The following ZDHHC2 variants were observed in gnomAD, a reference collection of about 807,000 sequenced individuals.
ZDHHC2 encodes zDHHC palmitoyltransferase 2, also known as palmitoyltransferase ZDHHC2.
Under a neutral mutation model 55.6 loss-of-function variants are expected in ZDHHC2, and 51 were observed. The observed-to-expected ratio is 0.92, with a 90% confidence interval of 0.73 to 1.16. The LOEUF is 1.16. ZDHHC2 is among the 50% of genes most tolerant of loss of function. ZDHHC2 has a pLI of 0.00. For synonymous variants in ZDHHC2, 199 were observed against 152.9 expected (o/e 1.30, Z -2.22); for missense variants, 491 against 442.4 (o/e 1.11, Z -0.99).
At chr8:17,213,360 TC>T (rs1261923368) in intron 10 of ZDHHC2, among the ~76,000 whole-genome samples, 3 of 151,986 alleles carry the variant, frequency 2.0e-5, no homozygotes, top group African/African-American at 7.2e-5. Flanking sequence ...TTAAAGCAAT[TC>T]TATTGCCTCA....
At chr8:17,215,411 T>TA (rs945705646) in intron 11 of ZDHHC2, 62 bp downstream of exon 11, 73 of 1,364,446 alleles carry the variant, frequency 5.4e-5, no homozygotes, top group African/African-American at 4.2e-4. Context: ...TAAACGTGGT[T>TA]AAAAAAAATC....
In ZDHHC2 at chr8:17,209,958, C is replaced by A. The variant is rs764383721; in HGVS notation, c.757C>A (p.His253Asn). 5.6e-6 allele frequency: 9 copies of A among 1,610,976 alleles called. No homozygotes were observed. Among genetic ancestry groups the A allele is most frequent in the Non-Finnish European group, 7.6e-6 (9 of 1,178,534 alleles). Residue 253 changes from histidine to asparagine, a missense_variant, in exon 9 of 13, where the codon CAT (histidine) becomes AAT (asparagine). Physicochemically the swap from His to Asn is moderately conservative, Grantham distance 68. Transcript: ENST00000262096. ...GGCATTCAGAAGTCCAGTATTTCGA[C>A]ATGGAACAGATAAGAATGGATTCAG... ...LEAFRSPVFR[H>N]GTDKNGFSLG...
Position 17,205,767 on chromosome 8 carries a change from T to C in ZDHHC2, c.589T>C (p.Phe197Leu). 1.9e-6 allele frequency: 3 copies of C among 1,604,174 alleles called. No homozygotes were observed. The highest frequency in any genetic ancestry group is 2.5e-6 in the Non-Finnish European group (3 of 1,177,154). The change falls in exon 7 of 13, where the codon TTT (phenylalanine) becomes CTT (leucine). Residue 197 changes from phenylalanine (F) to leucine (L), a missense_variant. Physicochemically the swap from Phe to Leu is conservative, Grantham distance 22. Transcript: ENST00000262096. Reference protein sequence around the residue: ...AATDLQYFIKFWTNGLPDTQA... With the variant: ...AATDLQYFIKLWTNGLPDTQA... The stretch of plus-strand genomic sequence containing the variant: ...AACAGATTTACAGTATTTTATCAAA[T>C]TTTGGACAGTAAGTCATTAACTTGG...
At chr8:17,171,216 A>G (rs1175117508) in intron 1 of ZDHHC2, among the ~76,000 whole-genome samples, 1 of 152,184 alleles carries the variant, frequency 6.6e-6, no homozygotes, top group African/African-American at 2.4e-5. Context: ...AGAAAAGGAA[A>G]CACCCATACA....
At chr8:17,187,412 T>A in intron 3 of ZDHHC2, among the ~76,000 whole-genome samples, 1 of 145,852 alleles carries the variant, frequency 6.9e-6, no homozygotes, top group African/African-American at 2.5e-5. Flanking sequence ...AAGCCAAGTT[T>A]AAAAAAAAAA....
At chr8:17,180,265 A>G (rs1189663836) in intron 1 of ZDHHC2, among the ~76,000 whole-genome samples, 1 of 152,218 alleles carries the variant, frequency 6.6e-6, no homozygotes, top group Non-Finnish European at 1.5e-5. Flanking sequence ...TGGCACATCA[A>G]GATCGAAGTT....
intron 1 of ZDHHC2, among the ~76,000 whole-genome samples, chr8:17,183,003 C>CCA (rs1805516238): frequency 6.6e-6 from 1 of 152,208 alleles, no homozygotes; most frequent in East Asian, 1.9e-4. Flanking sequence ...CTCAGGTGAT[C>CCA]CACCCACCTT....
chr8:17,200,457 C>A (rs1230617025), intron 6 of ZDHHC2, among the ~76,000 whole-genome samples: 2 of 152,128 alleles, frequency 1.3e-5, no homozygotes, highest in African/African-American at 4.8e-5. Flanking sequence ...CTGTATACTC[C>A]AGATATATTC....
rs1357077700 is a variant in ZDHHC2, at chr8:17,224,338, T to C, written c.*4117T>C. 1 of 151,778 alleles carries C rather than the reference T, an allele frequency of 6.6e-6. No homozygotes were observed. The highest frequency in any genetic ancestry group is 6.6e-5 in the Admixed American group (1 of 15,182). 9.4% of individuals were successfully genotyped at this position (151,778 alleles called of 1,614,324 possible). On this transcript the variant is annotated 3_prime_UTR_variant, in exon 13 of 13. Coordinates refer to ENST00000262096, the MANE Select transcript of ZDHHC2 (RefSeq NM_016353.5). ...TTGTTTACAATTGGGGGAAAATGTC[T>C]GTTAAGGCTAATCATCTGAGTGATT...
chr8:17,197,719 C>T lies in ZDHHC2; in HGVS notation c.443+68C>T, dbSNP rs557567023. 2.0e-3 allele frequency: 2,898 copies of T among 1,472,954 alleles called. 6 individuals carry two copies. The highest frequency in any genetic ancestry group is 2.4e-3 in the Non-Finnish European group (2,596 of 1,061,278). The allele number at this position is 1,472,954 out of a possible 1,614,324, so 91.2% of individuals were successfully genotyped here. A position where few individuals can be genotyped will look rare whatever the true frequency, so the allele number is the denominator to read the frequency against. ...TCTTTTTCTTCATTATGTTTCTTTTCTCACTGTTTTCCTGATTATCTTCTC... is the reference window on the plus strand; with the variant it reads ...TCTTTTTCTTCATTATGTTTCTTTTTTCACTGTTTTCCTGATTATCTTCTC... On this transcript the variant is annotated intron_variant, in intron 5 of 12. Coordinates refer to ENST00000262096, the MANE Select transcript of ZDHHC2 (RefSeq NM_016353.5).
At chr8:17,210,234 C>A in intron 9 of ZDHHC2, 154 bp from the exon 10 acceptor site, 1 of 1,059,320 alleles carries the variant, frequency 9.4e-7, no homozygotes, top group Non-Finnish European at 1.3e-6. Context: ...GTTAATTCAT[C>A]ATCTTCCTGA....
chr8:17,162,265 G>A (rs868394466), intron 1 of ZDHHC2, among the ~76,000 whole-genome samples: 14 of 152,262 alleles, frequency 9.2e-5, no homozygotes, highest in Middle Eastern at 6.8e-3. Context: ...GTACAAATGC[G>A]CAATAAATGT....
At chr8:17,182,202 A>G (rs1026540327) in intron 1 of ZDHHC2, among the ~76,000 whole-genome samples, 3 of 152,230 alleles carry the variant, frequency 2.0e-5, no homozygotes, top group Non-Finnish European at 2.9e-5. Context: ...CATTTAAAAT[A>G]GCTATATGCA....
chr8:17,218,627 C>T (rs994918209), intron 12 of ZDHHC2, among the ~76,000 whole-genome samples: 5 of 151,928 alleles, frequency 3.3e-5, no homozygotes, highest in African/African-American at 1.2e-4. Context: ...GGATAAGTGA[C>T]AAAATTAAAA....
At chr8:17,199,524 TTCGTCTTCTG>T (rs1806551230) in intron 6 of ZDHHC2, among the ~76,000 whole-genome samples, 2 of 39,002 alleles carry the variant, frequency 5.1e-5, no homozygotes, top group African/African-American at 1.2e-4. Context: ...CGTCTTCGTC[TTCGTCTTCTG>T]TCTTCGTCTT....
intron 10 of ZDHHC2, among the ~76,000 whole-genome samples, chr8:17,213,972 T>A (rs976194771): frequency 6.6e-6 from 1 of 152,138 alleles, no homozygotes; most frequent in African/African-American, 2.4e-5. Context: ...ATTCTAAAAT[T>A]TTAGATATGA....
chr8:17,197,695 CT>C, intron 5 of ZDHHC2, 44 bp downstream of exon 5: 1 of 1,538,622 alleles, frequency 6.5e-7, no homozygotes, highest in Non-Finnish European at 8.9e-7. Context: ...TGCTGGTGGT[CT>C]TTTTCTTCAT....
At chr8:17,195,704 C>T (rs2150922431) in intron 4 of ZDHHC2, 80 bp downstream of exon 4, 3 of 1,549,444 alleles carry the variant, frequency 1.9e-6, no homozygotes, top group East Asian at 4.6e-5. Flanking sequence ...TGTTTATGTA[C>T]TTGAAATGGT....
chr8:17,184,930 A>G (rs1805635112), intron 2 of ZDHHC2, 115 bp downstream of exon 2: 7 of 877,492 alleles, frequency 8.0e-6, no homozygotes, highest in Admixed American at 3.0e-5. Context: ...GAGACAAGCT[A>G]GGGTTAAAGA....
Sources: allele counts gnomAD v4.1 joint callset (sites outside exome capture counted in the v4.1 genomes callset), GRCh38; gene constraint gnomAD v4.1.1; transcripts MANE v1.5; gene names NCBI Gene and HGNC (gene_info 2026-07-23, HGNC 2026-07-21).